The following ZEB1 variants were observed in gnomAD, a reference collection of about 807,000 sequenced individuals.
ZEB1 encodes the protein zinc finger E-box-binding homeobox 1.
In ZEB1, 21 loss-of-function variants were observed where a neutral mutation model predicts 84.9. The ratio of observed to expected loss-of-function variants is 0.25; its 90% CI spans 0.18 to 0.36. The LOEUF (loss-of-function observed/expected upper bound fraction) is 0.36, where lower values mean the gene tolerates loss of function less well. ZEB1 is among the 10% of genes least tolerant of loss of function. The pLI is 1.00. For synonymous variants in ZEB1, 420 were observed against 471.1 expected, an observed-to-expected ratio of 0.89 and a Z score of 1.41; for missense variants, 1,104 against 1,330.2, an observed-to-expected ratio of 0.83 and a Z score of 2.65.
At chr10:31,374,001 A>G (rs1308165073) in intron 1 of ZEB1, among the ~76,000 whole-genome samples, 1 of 151,764 alleles carries the variant, frequency 6.6e-6, no homozygotes, top group East Asian at 1.9e-4. Context: ...TAGTCATGTT[A>G]GCTTTGGACA....
chr10:31,447,557 T>G (rs1459364760), intron 1 of ZEB1, among the ~76,000 whole-genome samples: 1 of 136,680 alleles, frequency 7.3e-6, no homozygotes, highest in Non-Finnish European at 1.6e-5. Flanking sequence ...TGGTACCGGT[T>G]GTTCCTTTCC....
chr10:31,449,301 C>T (rs572265955), intron 1 of ZEB1, among the ~76,000 whole-genome samples: 51 of 152,350 alleles, frequency 3.3e-4, no homozygotes, highest in East Asian at 9.7e-4. Context: ...CACTGGCCTG[C>T]GCCTACTGTC....
chr10:31,434,292 G>A (rs756562084), intron 1 of ZEB1, among the ~76,000 whole-genome samples: 28 of 152,072 alleles, frequency 1.8e-4, no homozygotes, highest in Admixed American at 7.9e-4. Flanking sequence ...ATGCATTCAC[G>A]GAATCTTCAT....
chr10:31,413,070 A>G (rs1245384015), intron 1 of ZEB1, among the ~76,000 whole-genome samples: 6 of 152,218 alleles, frequency 3.9e-5, no homozygotes, highest in Non-Finnish European at 8.8e-5. Context: ...TTGATTATAT[A>G]CTTAGGTTAT....
At chr10:31,336,062 G>A (rs545089216) in intron 1 of ZEB1, among the ~76,000 whole-genome samples, 12 of 152,226 alleles carry the variant, frequency 7.9e-5, no homozygotes, top group Admixed American at 3.9e-4. Context: ...CAGACATAAA[G>A]ATCTAATTAA....
At chr10:31,337,939 T>G (rs998240726) in intron 1 of ZEB1, among the ~76,000 whole-genome samples, 1 of 152,144 alleles carries the variant, frequency 6.6e-6, no homozygotes, top group African/African-American at 2.4e-5. Context: ...TGCCTTGGCC[T>G]CCCATAGTGT....
chr10:31,471,282 A>G (rs1480085303), intron 2 of ZEB1, among the ~76,000 whole-genome samples: 2 of 120,092 alleles, frequency 1.7e-5, no homozygotes, highest in African/African-American at 6.7e-5. Context: ...TTGGATAAAG[A>G]GTCAAGACCC....
chr10:31,501,681 A>G (rs991094516), intron 3 of ZEB1, among the ~76,000 whole-genome samples: 11 of 152,182 alleles, frequency 7.2e-5, no homozygotes, highest in African/African-American at 2.7e-4. Context: ...TGTCTTAAAT[A>G]AATACTTATA....
At chr10:31,406,701 A>G (rs1310997161) in intron 1 of ZEB1, among the ~76,000 whole-genome samples, 2 of 151,914 alleles carry the variant, frequency 1.3e-5, no homozygotes, top group African/African-American at 4.8e-5. Context: ...GTTTAATTAC[A>G]TTCATTTGTC....
At chr10:31,480,416 C>G (rs2064888051) in intron 2 of ZEB1, among the ~76,000 whole-genome samples, 1 of 151,874 alleles carries the variant, frequency 6.6e-6, no homozygotes, top group Non-Finnish European at 1.5e-5. Flanking sequence ...TTCAGTTGAA[C>G]CTACTCTTTG....
rs185962804 is a variant in ZEB1, at chr10:31,344,489, G to A, written c.58+25197G>A. On this transcript the variant is annotated intron_variant, in intron 1 of 8. Transcript: ENST00000424869. ...GTTACTCATTTAAATTTTCTGATTTGAGTTCTGATAATCTGTTAGAAAATT... is the reference window on the plus strand; with the variant it reads ...GTTACTCATTTAAATTTTCTGATTTAAGTTCTGATAATCTGTTAGAAAATT... Among the ~76,000 whole-genome samples the A allele has an allele frequency of 7.5e-4, 114 of 152,124 alleles. No individual in the cohort carries two copies. In the Middle Eastern group the frequency reaches 0.01, roughly 14 times the overall value.
chr10:31,342,092 A>T (rs2039484966), intron 1 of ZEB1, among the ~76,000 whole-genome samples: 1 of 152,212 alleles, frequency 6.6e-6, no homozygotes, highest in Admixed American at 6.5e-5. Flanking sequence ...CATAGTTGTT[A>T]CAGAAGATTC....
At chr10:31,424,111 CCATTT>C (rs2056601677) in intron 1 of ZEB1, among the ~76,000 whole-genome samples, 1 of 151,908 alleles carries the variant, frequency 6.6e-6, no homozygotes. Context: ...AAATGTTCTT[CCATTT>C]CATTACAACA....
chr10:31,509,067 A>G (rs2069491190), intron 4 of ZEB1, among the ~76,000 whole-genome samples: 1 of 152,122 alleles, frequency 6.6e-6, no homozygotes, highest in Non-Finnish European at 1.5e-5. Flanking sequence ...CTTCAGCCTT[A>G]GCAGCCGCAA....
intron 2 of ZEB1, among the ~76,000 whole-genome samples, chr10:31,493,070 T>C (rs2066761669): frequency 6.6e-6 from 1 of 151,894 alleles, no homozygotes; most frequent in African/African-American, 2.4e-5. Flanking sequence ...TACAGAGCAG[T>C]TCTGTCACTA....
At chr10:31,369,690 G>T (rs551737695) in intron 1 of ZEB1, among the ~76,000 whole-genome samples, 2 of 152,166 alleles carry the variant, frequency 1.3e-5, no homozygotes, top group East Asian at 3.9e-4. Flanking sequence ...TTGACATACT[G>T]ACTCCAGTTC....
At chr10:31,347,932 A>G (rs1164501046) in intron 1 of ZEB1, among the ~76,000 whole-genome samples, 1 of 152,198 alleles carries the variant, frequency 6.6e-6, no homozygotes, top group Admixed American at 6.5e-5. Flanking sequence ...CCTTCAGGGG[A>G]ATTAGTGGGG....
At chr10:31,329,789 G>A (rs1302460542) in intron 1 of ZEB1, among the ~76,000 whole-genome samples, 7 of 152,166 alleles carry the variant, frequency 4.6e-5, no homozygotes, top group East Asian at 1.9e-4. Flanking sequence ...GGATTTCACC[G>A]GTGACTAATG....
chr10:31,456,020 A>G (rs757648977), intron 1 of ZEB1, among the ~76,000 whole-genome samples: 5 of 152,216 alleles, frequency 3.3e-5, no homozygotes, highest in Non-Finnish European at 5.9e-5. Flanking sequence ...ATGTCCATCA[A>G]TAATAGACTG....
Sources: gnomAD v4.1 joint callset for allele counts (sites outside exome capture counted in the v4.1 genomes callset) on GRCh38, gnomAD v4.1.1 for gene constraint, MANE v1.5 for transcripts, NCBI Gene and HGNC (gene_info 2026-07-23, HGNC 2026-07-21) for gene names.